The following SUGCT variants were observed in gnomAD, a reference collection of about 807,000 sequenced individuals.
SUGCT encodes succinyl-CoA:glutarate CoA-transferase.
Under a neutral mutation model 55.0 loss-of-function variants are expected in SUGCT, and 41 were observed. The observed-to-expected ratio is 0.74, with a 90% CI of 0.58 to 0.97. SUGCT has a LOEUF of 0.97. Among genes scored for constraint, SUGCT ranks in the 50% least tolerant of loss-of-function variants. The pLI, the probability that SUGCT is intolerant of heterozygous loss-of-function variation, is 0.00. For synonymous variants in SUGCT, 187 were observed against 200.4 expected (o/e 0.93, Z 0.56); for missense variants, 568 against 547.8 (o/e 1.04, Z -0.37).
At chr7:40,907,487 A>G in the SUGCT span, among the ~76,000 whole-genome samples, 1 of 152,188 alleles carries the variant, frequency 6.6e-6, no homozygotes, top group Non-Finnish European at 1.5e-5. Flanking sequence ...TAGCCTTGTA[A>G]AGCAGTGCCT....
chr7:40,326,583 ACT>A (rs932433002), intron 9 of SUGCT, among the ~76,000 whole-genome samples: 7 of 152,112 alleles, frequency 4.6e-5, no homozygotes, highest in Non-Finnish European at 1.0e-4. Context: ...TTTTAAAAAA[ACT>A]CTTTGTAGAA....
At chr7:40,220,693 C>T (rs1023771681) in intron 6 of SUGCT, among the ~76,000 whole-genome samples, 1 of 152,124 alleles carries the variant, frequency 6.6e-6, no homozygotes, top group Non-Finnish European at 1.5e-5. Context: ...TAGATATATC[C>T]CTTTTCAAGA....
At chr7:40,403,793 TC>T (rs1338806784) in intron 9 of SUGCT, among the ~76,000 whole-genome samples, 1 of 152,238 alleles carries the variant, frequency 6.6e-6, no homozygotes, top group Non-Finnish European at 1.5e-5. Context: ...AAGCATGTTT[TC>T]ATGTTTTCTT....
the SUGCT span, among the ~76,000 whole-genome samples, chr7:40,900,225 C>T: frequency 1.3e-5 from 2 of 152,238 alleles, no homozygotes; most frequent in Admixed American, 6.5e-5. Context: ...AGAGCAAACG[C>T]CGTGGTCTTG....
At chr7:40,632,353 C>A (rs1345244202) in intron 12 of SUGCT, among the ~76,000 whole-genome samples, 1 of 151,824 alleles carries the variant, frequency 6.6e-6, no homozygotes, top group Non-Finnish European at 1.5e-5. Flanking sequence ...AAATGCCAAA[C>A]CTGCTTCTCT....
rs549492410 is a variant in SUGCT, at chr7:40,819,088, TC to T, written c.1154-41226del. Among the ~76,000 whole-genome samples, 886 of 152,138 alleles carry T rather than the reference TC, an allele frequency of 5.8e-3. 6 individuals carry two copies. Among genetic ancestry groups the T allele is most frequent in the African/African-American group, 0.02 (832 of 41,480 alleles). ...CCATGTCCCTACAAAGGACATGAAA[TC>T]CTTTTTTATGGCTGCATAGTATTCC... On this transcript the variant is annotated intron_variant, in intron 13 of 13. Coordinates refer to ENST00000335693, the MANE Select transcript of SUGCT (RefSeq NM_001193313.2).
chr7:40,844,338 G>C (rs942356809), intron 13 of SUGCT, among the ~76,000 whole-genome samples: 2 of 152,232 alleles, frequency 1.3e-5, no homozygotes, highest in East Asian at 1.9e-4. Context: ...TCACCCAAAT[G>C]AATTGAAGGC....
intron 12 of SUGCT, among the ~76,000 whole-genome samples, chr7:40,622,047 A>G (rs563382683): frequency 6.6e-6 from 1 of 152,298 alleles, no homozygotes; most frequent in South Asian, 2.1e-4. Flanking sequence ...TATCAGAATC[A>G]TCTGGTGCCA....
the SUGCT span, among the ~76,000 whole-genome samples, chr7:40,976,942 A>G: frequency 6.6e-6 from 1 of 152,202 alleles, no homozygotes; most frequent in Non-Finnish European, 1.5e-5. Flanking sequence ...ATAAAATAGA[A>G]ATAAATGATC....
chr7:40,673,257 A>G (rs1802029974), intron 12 of SUGCT, among the ~76,000 whole-genome samples: 1 of 152,118 alleles, frequency 6.6e-6, no homozygotes. Flanking sequence ...TATCAGGAGA[A>G]CTTCTCATCT....
At chr7:40,358,721 A>G (rs1797999112) in intron 9 of SUGCT, among the ~76,000 whole-genome samples, 1 of 151,262 alleles carries the variant, frequency 6.6e-6, no homozygotes, top group Non-Finnish European at 1.5e-5. Context: ...TCTCAAAAAC[A>G]ACAACAACAA....
At chr7:40,808,248 C>G (rs1419118508) in intron 13 of SUGCT, 1 of 152,256 alleles carries the variant, frequency 6.6e-6, no homozygotes, top group Non-Finnish European at 1.5e-5. Flanking sequence ...CTGAAGGACT[C>G]TGCCCTTGAG....
intron 8 of SUGCT, among the ~76,000 whole-genome samples, chr7:40,284,591 G>C (rs944447063): frequency 1.2e-3 from 161 of 134,272 alleles, no homozygotes; most frequent in African/African-American, 4.1e-3. Flanking sequence ...CTGGATGACA[G>C]AGCAAGATTC....
chr7:40,224,346 T>G (rs1298676200), intron 6 of SUGCT, among the ~76,000 whole-genome samples: 1 of 151,906 alleles, frequency 6.6e-6, no homozygotes, highest in South Asian at 2.1e-4. Context: ...TTTATAATAG[T>G]TTTTTTTCCC....
the SUGCT span, chr7:40,966,041 A>G: frequency 8.5e-5 from 13 of 152,360 alleles, no homozygotes; most frequent in East Asian, 2.5e-3. Flanking sequence ...AAAAATAAGT[A>G]TCTCTATTTG....
At chr7:40,659,813 C>T (rs2151852327) in intron 12 of SUGCT, among the ~76,000 whole-genome samples, 1 of 152,294 alleles carries the variant, frequency 6.6e-6, no homozygotes, top group Non-Finnish European at 1.5e-5. Context: ...ATCACTTTCT[C>T]CTCCTTAGAT....
intron 12 of SUGCT, among the ~76,000 whole-genome samples, chr7:40,638,348 G>C (rs1800111208): frequency 6.6e-6 from 1 of 152,066 alleles, no homozygotes; most frequent in South Asian, 2.1e-4. Flanking sequence ...ATTCTGAAAT[G>C]CTTCCTTGAT....
At chr7:40,639,463 T>A (rs1019172322) in intron 12 of SUGCT, among the ~76,000 whole-genome samples, 2 of 152,160 alleles carry the variant, frequency 1.3e-5, no homozygotes, top group Admixed American at 6.5e-5. Flanking sequence ...TTACTATGAT[T>A]TTCAATTTAT....
At chr7:40,690,981 C>T (rs917510092) in intron 12 of SUGCT, among the ~76,000 whole-genome samples, 1 of 152,190 alleles carries the variant, frequency 6.6e-6, no homozygotes, top group Non-Finnish European at 1.5e-5. Context: ...GAGGAAAAGG[C>T]AAGAGCCCAT....
Sources: allele counts gnomAD v4.1 joint callset (sites outside exome capture counted in the v4.1 genomes callset), GRCh38; gene constraint gnomAD v4.1.1; transcripts MANE v1.5; gene names NCBI Gene and HGNC (gene_info 2026-07-23, HGNC 2026-07-21).